The following ARRDC5 variants were observed in gnomAD, a reference collection of about 807,000 sequenced individuals.
The protein encoded by ARRDC5 is arrestin domain containing 5.
ARRDC5 carries 12 observed loss-of-function variants against 13.3 expected under a neutral mutation model. That is an observed-to-expected ratio of 0.90 (90% CI 0.58 to 1.46). The LOEUF is 1.46. Ranked by LOEUF, ARRDC5 falls within the 40% of genes most tolerant of loss-of-function variation. ARRDC5 has a pLI of 0.00. For synonymous variants in ARRDC5, 181 were observed against 173.4 expected, an observed-to-expected ratio of 1.04 and a Z score of -0.34; for missense variants, 406 against 418.7, an observed-to-expected ratio of 0.97 and a Z score of 0.26.
At chr19:4,913,070 A>G in the ARRDC5 span, among the ~76,000 whole-genome samples, 19 of 152,026 alleles carry the variant, frequency 1.2e-4, no homozygotes, top group African/African-American at 4.6e-4. Flanking sequence ...CTTTGTCTAT[A>G]GTGAAACAGA....
chr19:4,896,634 G>C, intron 2 of ARRDC5, 37 bp downstream of exon 2: 2 of 1,506,720 alleles, frequency 1.3e-6, no homozygotes, highest in Non-Finnish European at 1.8e-6. Context: ...TTGGAGCTTG[G>C]AGATTGTTCC....
intron 2 of ARRDC5, among the ~76,000 whole-genome samples, chr19:4,896,350 T>TATATA (rs1568395937): frequency 3.5e-5 from 2 of 57,648 alleles, no homozygotes; most frequent in Non-Finnish European, 2.9e-5. Context: ...ATATATATAT[T>TATATA]TTTTTTTTTT....
chr19:4,909,354 C>A, the ARRDC5 span: 1 of 595,686 alleles, frequency 1.7e-6, no homozygotes, highest in Non-Finnish European at 3.0e-6. Context: ...TAGGCGGAGG[C>A]GCCGTGGACA....
intron 2 of ARRDC5, among the ~76,000 whole-genome samples, chr19:4,895,394 G>C (rs1167682118): frequency 8.0e-6 from 1 of 125,510 alleles, no homozygotes; most frequent in African/African-American, 3.1e-5. Context: ...CTGCACTCCC[G>C]CCTGGGTGAC....
At chr19:4,897,123 ATT>A (rs1288538979) in intron 1 of ARRDC5, among the ~76,000 whole-genome samples, 2 of 151,976 alleles carry the variant, frequency 1.3e-5, no homozygotes, top group Non-Finnish European at 2.9e-5. Flanking sequence ...CACCTGGCTA[ATT>A]TTTATATTTT....
the ARRDC5 span, among the ~76,000 whole-genome samples, chr19:4,908,584 A>G: frequency 6.6e-6 from 1 of 151,930 alleles, no homozygotes; most frequent in Non-Finnish European, 1.5e-5. Context: ...CTGTCCTTGG[A>G]GTCTCATCTC....
the ARRDC5 span, among the ~76,000 whole-genome samples, chr19:4,915,004 C>T: frequency 1.2e-4 from 18 of 152,338 alleles, no homozygotes; most frequent in South Asian, 8.3e-4. Context: ...CTGCAGGGTG[C>T]GGAGCAGCGT....
chr19:4,902,870 C>G lies in ARRDC5; in HGVS notation c.-45G>C, dbSNP rs748135816. The G allele has an allele frequency of 1.2e-6, 2 of 1,612,278 alleles. No individual in the cohort carries two copies. Among genetic ancestry groups the G allele is most frequent in the Admixed American group, 3.3e-5 (2 of 59,968 alleles). ...AGACATTCCTCTCTGTCCCCCATGT[C>G]CCTGAAATTCCCGGTTCGTTGGCCC... On this transcript the variant is annotated 5_prime_UTR_variant, in exon 1 of 3. Transcript: ENST00000650722.
chr19:4,890,822 G>C lies in ARRDC5; in HGVS notation c.*224C>G, dbSNP rs771484486. 3.9e-6 allele frequency: 2 copies of C among 519,278 alleles called. No homozygotes were observed. Among genetic ancestry groups the C allele is most frequent in the Non-Finnish European group, 6.8e-6 (2 of 293,080 alleles). The allele number at this position is 519,278 out of a possible 1,614,324, so 32.2% of individuals were successfully genotyped here. A position where few individuals can be genotyped will look rare whatever the true frequency, so the allele number is the denominator to read the frequency against. Reference sequence around the variant, plus strand: ...CAGGGTGGAAAAGGCAGGTTATGCCGGGTTTGGGTCCTGGGAGACCTTCCC... The same window carrying C: ...CAGGGTGGAAAAGGCAGGTTATGCCCGGTTTGGGTCCTGGGAGACCTTCCC... On this transcript the variant is annotated 3_prime_UTR_variant, in exon 3 of 3. Transcript: ENST00000650722.
the ARRDC5 span, among the ~76,000 whole-genome samples, chr19:4,909,945 C>T: frequency 1.5e-4 from 23 of 150,948 alleles, no homozygotes; most frequent in Non-Finnish European, 1.5e-4. Flanking sequence ...CGCCTGCGCG[C>T]GGGGCGCCCC....
the ARRDC5 span, among the ~76,000 whole-genome samples, chr19:4,916,169 G>A: frequency 2.0e-5 from 3 of 152,148 alleles, no homozygotes; most frequent in African/African-American, 7.2e-5. Flanking sequence ...AGCCGGGCAT[G>A]GTGGCGCATG....
At chr19:4,894,001 T>G (rs2031608898) in intron 2 of ARRDC5, among the ~76,000 whole-genome samples, 1 of 140,696 alleles carries the variant, frequency 7.1e-6, no homozygotes, top group African/African-American at 2.7e-5. Context: ...TGAGCCGAGA[T>G]AGCGCCACTA....
chr19:4,891,042 G>A lies in ARRDC5; in HGVS notation c.*4C>T, dbSNP rs767590993. Reference sequence around the variant, plus strand: ...AAGCTTTTAATATTTAAAAGTTCGGGCACTTAATTCTGGTGATCTGGGTTC... The same window carrying A: ...AAGCTTTTAATATTTAAAAGTTCGGACACTTAATTCTGGTGATCTGGGTTC... On this transcript the variant is annotated 3_prime_UTR_variant, in exon 3 of 3. Transcript: ENST00000650722. 2 of 1,604,118 alleles carry A rather than the reference G, an allele frequency of 1.2e-6. No individual in the cohort carries two copies. The highest frequency in any genetic ancestry group is 1.7e-6 in the Non-Finnish European group (2 of 1,175,772).
Position 4,896,875 on chromosome 19 carries a change from A to T in ARRDC5, c.255T>A (p.Asp85Glu), listed in dbSNP as rs755606292. The T allele has an allele frequency of 6.2e-7, 1 of 1,612,218 alleles. No individual in the cohort carries two copies. The change falls in exon 2 of 3, where the codon GAT becomes GAA. Residue 85 changes from aspartate to glutamate, a missense_variant and splice_region_variant. Asp to Glu is a conservative substitution (Grantham distance 45). Coordinates refer to ENST00000650722, the MANE Select transcript of ARRDC5 (RefSeq NM_001080523.3). ...VHKTKTFPVE[D>E]NWLSAGSHTF... ...TGTGGCTGCCTGCACTTAACCAATT[A>T]TCTGAAAGCAAAACACACCGATGCC...
chr19:4,904,179 GT>G (rs1332151693), upstream of ARRDC5, among the ~76,000 whole-genome samples: 2 of 149,506 alleles, frequency 1.3e-5, no homozygotes, highest in East Asian at 3.9e-4. Context: ...TTTTGTTTTT[GT>G]TTTTGTTTTT....
At chr19:4,902,949 G>A, upstream of ARRDC5, 1 of 1,472,622 alleles carries the variant, frequency 6.8e-7, no homozygotes, top group Non-Finnish European at 9.3e-7. Context: ...GGGAAGTGGG[G>A]ACCCCAGTGG....
chr19:4,900,032 T>A (rs1021527486), intron 1 of ARRDC5, among the ~76,000 whole-genome samples: 5 of 149,542 alleles, frequency 3.3e-5, no homozygotes, highest in African/African-American at 1.2e-4. Flanking sequence ...TGGAGTGCAG[T>A]GGTGCAATCT....
chr19:4,894,436 G>A (rs1431787136), intron 2 of ARRDC5, among the ~76,000 whole-genome samples: 25 of 143,480 alleles, frequency 1.7e-4, no homozygotes, highest in Non-Finnish European at 1.4e-4. Context: ...GCGTGAACCC[G>A]GGAGGTGGAG....
At chr19:4,906,184 G>A (rs1265493088), upstream of ARRDC5, among the ~76,000 whole-genome samples, 1 of 151,988 alleles carries the variant, frequency 6.6e-6, no homozygotes, top group Non-Finnish European at 1.5e-5. Flanking sequence ...TCACTACGTT[G>A]CCCAAGCTGG....
Sources: allele counts gnomAD v4.1 joint callset (sites outside exome capture counted in the v4.1 genomes callset), GRCh38; gene constraint gnomAD v4.1.1; transcripts MANE v1.5; gene names NCBI Gene and HGNC (gene_info 2026-07-23, HGNC 2026-07-21).